Variants in TMPRSS5 observed in about 807,000 individuals in gnomAD.
TMPRSS5 encodes the protein transmembrane serine protease 5.
TMPRSS5 carries 45 observed loss-of-function variants against 59.7 expected under a neutral mutation model. The observed-to-expected ratio is 0.75, with a 90% CI of 0.59 to 0.97. TMPRSS5 has a LOEUF of 0.97. Ranked by LOEUF, TMPRSS5 falls within the 50% of genes least tolerant of loss-of-function variation. The pLI is 0.00. For synonymous variants in TMPRSS5, 225 were observed against 232.0 expected, an observed-to-expected ratio of 0.97 and a Z score of 0.27; for missense variants, 585 against 596.7, an observed-to-expected ratio of 0.98 and a Z score of 0.20.
At chr11:113,694,430 A>T in intron 8 of TMPRSS5, 48 bp downstream of exon 8, 1 of 1,543,642 alleles carries the variant, frequency 6.5e-7, no homozygotes, top group Non-Finnish European at 8.8e-7. Context: ...ACAGCCGAAC[A>T]GAAAGGGCAA....
rs374825853 is a variant in TMPRSS5 at position 113,694,528 on chromosome 11, G to A, written c.735C>T (p.Gly245=). ...CCACCCAGCGTGGCGCTAGCACAGA[G>A]CCCCCACACGTGTGCCGGAAGCCCA... ...VALGFRHTCG[G]SVLAPRWVVT... The change falls in exon 8 of 13, where the codon GGC becomes GGT. Residue 245 remains glycine (G), a synonymous_variant. Coordinates refer to ENST00000299882, the MANE Select transcript of TMPRSS5 (RefSeq NM_030770.4). The A allele has an allele frequency of 1.8e-4, 280 of 1,561,882 alleles. No homozygotes were observed. The Middle Eastern group carries it at 1.8e-3, about 10-fold the overall frequency.
chr11:113,699,276 T>C lies in TMPRSS5; in HGVS notation c.206-249A>G, dbSNP rs1484852059. Among the ~76,000 whole-genome samples the C allele has an allele frequency of 3.0e-3, 276 of 92,910 alleles. 29 individuals carry two copies. Among genetic ancestry groups the C allele is most frequent in the East Asian group, 0.03 (62 of 2,090 alleles). 61.0% of individuals were successfully genotyped at this position (92,910 alleles called of 152,430 possible). ...CTCTCTCTCTCTCTCTCTCTCCCTC[T>C]CTCTCTCTCTCTCTCTGTCTCTCTC... On this transcript the variant is annotated intron_variant, in intron 3 of 12. Coordinates refer to ENST00000299882, the MANE Select transcript of TMPRSS5 (RefSeq NM_030770.4).
intron 8 of TMPRSS5, chr11:113,693,582 CT>C: frequency 5.2e-6 from 1 of 193,512 alleles, no homozygotes; most frequent in Middle Eastern, 1.9e-3. Context: ...AAAACTTCCC[CT>C]GGTCCCATCT....
rs372506702 is a variant in TMPRSS5, at chr11:113,693,087, G to A, written c.948C>T (p.Thr316=). 16 of 1,571,012 alleles carry A rather than the reference G, an allele frequency of 1.0e-5. No homozygotes were observed. The highest frequency in any genetic ancestry group is 3.7e-5 in the Admixed American group (2 of 54,030). The change falls in exon 9 of 13, where the codon ACC becomes ACT. Residue 316 remains threonine (T), a synonymous_variant. Transcript: ENST00000299882. ...DYDVALLRLQ[T]ALNFSDTVGA... is the part of the protein sequence containing the mutation. ...GTGCCGCACCTGAGAAGTTGAGAGC[G>A]GTCTGGAGCCTCAGGAGGGCGACGT...
chr11:113,690,302 C>G lies in TMPRSS5; in HGVS notation c.1135G>C (p.Val379Leu). Residue 379 changes from valine to leucine, a missense_variant, in exon 11 of 13, where the codon GTG becomes CTG. Transcript: ENST00000299882. ...FSTQLCNSSC[V>L]YSGALTPRML... ...CGGGGGGTGAGGGCTCCGCTGTACA[C>G]GCAAGAGCTGTTGCAGAGCTGAGTG... The G allele has an allele frequency of 1.3e-6, 2 of 1,593,512 alleles. No homozygotes were observed. Among genetic ancestry groups the G allele is most frequent in the Non-Finnish European group, 1.7e-6 (2 of 1,170,990 alleles).
chr11:113,706,207 G>T lies in TMPRSS5; in HGVS notation c.3+15C>A. On this transcript the variant is annotated intron_variant, in intron 1 of 12. Coordinates refer to ENST00000299882, the MANE Select transcript of TMPRSS5 (RefSeq NM_030770.4). The stretch of plus-strand genomic sequence containing the variant: ...GAGAGGCCACAGCAGGGATGGCACA[G>T]AGACGTAACCTTACCATAGGGGTCA... 6.3e-7 allele frequency: 1 copy of T among 1,599,058 alleles called. No homozygotes were observed. Among genetic ancestry groups the T allele is most frequent in the Non-Finnish European group, 8.5e-7 (1 of 1,172,986 alleles).
At chr11:113,693,025 T>G in intron 9 of TMPRSS5, 46 bp downstream of exon 9, 2 of 1,033,570 alleles carry the variant, frequency 1.9e-6, no homozygotes, top group Non-Finnish European at 2.8e-6. Context: ...CCCCGCCCTC[T>G]CTCGCCATAG....
intron 5 of TMPRSS5, 25 bp downstream of exon 5, chr11:113,697,258 A>G: frequency 1.3e-6 from 2 of 1,596,680 alleles, no homozygotes; most frequent in Non-Finnish European, 1.7e-6. Context: ...CCCCCTTCAC[A>G]GGACCCACAT....
chr11:113,690,499 G>A, intron 10 of TMPRSS5, 126 bp from the exon 11 acceptor site: 1 of 1,380,642 alleles, frequency 7.2e-7, no homozygotes, highest in East Asian at 2.5e-5. Flanking sequence ...CAGGGTGGGA[G>A]CTGTGGACGC....
chr11:113,697,248 C>T, intron 5 of TMPRSS5, 35 bp downstream of exon 5: 2 of 1,591,500 alleles, frequency 1.3e-6, no homozygotes, highest in Admixed American at 1.7e-5. Flanking sequence ...AGCCAGGCCT[C>T]CCCCTTCACA....
At chr11:113,697,108 C>T (rs1433882377) in intron 5 of TMPRSS5, 137 bp from the exon 6 acceptor site, 1 of 1,219,146 alleles carries the variant, frequency 8.2e-7, no homozygotes, top group Non-Finnish European at 1.2e-6. Flanking sequence ...AGTAATACTC[C>T]AAACAGAGAA....
chr11:113,691,196 C>G (rs1019056314), intron 9 of TMPRSS5, among the ~76,000 whole-genome samples: 9 of 152,116 alleles, frequency 5.9e-5, no homozygotes, highest in Admixed American at 2.0e-4. Context: ...AGGACCCATG[C>G]TGCCCCCTCC....
chr11:113,690,712 C>T, intron 10 of TMPRSS5, 129 bp downstream of exon 10: 1 of 918,840 alleles, frequency 1.1e-6, no homozygotes, highest in Non-Finnish European at 1.7e-6. Flanking sequence ...CTAGGCCTGA[C>T]CAAGGGTGAT....
In TMPRSS5 at chr11:113,689,800, C is replaced by T; in HGVS notation, c.1324G>A (p.Ala442Thr). ...PNHPGVYAKVAEFLDWIHDTA... is the reference protein window; with the variant it reads ...PNHPGVYAKVTEFLDWIHDTA... ...TCATGGATCCAGTCCAGAAACTCAGCTACCTTGGCGTAGACACCTGGGTGA... is the reference window on the plus strand; with the variant it reads ...TCATGGATCCAGTCCAGAAACTCAGTTACCTTGGCGTAGACACCTGGGTGA... Residue 442 changes from alanine (A) to threonine (T), a missense_variant, in exon 12 of 13, where the codon GCT (alanine) becomes ACT (threonine). Transcript: ENST00000299882. 1.2e-6 allele frequency: 2 copies of T among 1,609,350 alleles called. No homozygotes were observed. Among genetic ancestry groups the T allele is most frequent in the South Asian group, 1.1e-5 (1 of 89,522 alleles).
chr11:113,695,357 C>A lies in TMPRSS5; in HGVS notation c.622+43G>T, dbSNP rs754437153. The A allele has an allele frequency of 1.1e-5, 17 of 1,610,564 alleles. No homozygotes were observed. In the South Asian group the frequency reaches 1.8e-4, roughly 17 times the overall value. The stretch of plus-strand genomic sequence containing the variant: ...CACACTTGAGGCAGGGGGAACACCC[C>A]TTCCTCTCACCGCCACCTCCCCTAG... On this transcript the variant is annotated intron_variant, in intron 7 of 12. Transcript: ENST00000299882.
At chr11:113,704,550 T>C (rs1953234393) in intron 1 of TMPRSS5, among the ~76,000 whole-genome samples, 1 of 152,150 alleles carries the variant, frequency 6.6e-6, no homozygotes, top group South Asian at 2.1e-4. Context: ...CTGCCAGCAC[T>C]TGCTCCCTCC....
At position 113,688,267 on chromosome 11, in the gene TMPRSS5, A is replaced by G. The variant is rs767016975; in HGVS notation, c.1367T>C (p.Leu456Pro). Residue 456 changes from leucine (L) to proline (P), a missense_variant, in exon 13 of 13, where the codon CTC becomes CCC. Coordinates refer to ENST00000299882, the MANE Select transcript of TMPRSS5 (RefSeq NM_030770.4). ...DWIHDTAQDSLL is the reference protein window; with the variant it reads ...DWIHDTAQDSPL ...TGGAGGAAACAGCAGGACTCAGAGG[A>G]GGGAGTCCTAGACCAAAAGGGAAAG... 6.3e-7 allele frequency: 1 copy of G among 1,579,290 alleles called. No homozygotes were observed. Among genetic ancestry groups the G allele is most frequent in the South Asian group, 1.2e-5 (1 of 85,640 alleles).
chr11:113,697,561 C>A, intron 4 of TMPRSS5, 143 bp from the exon 5 acceptor site: 1 of 937,020 alleles, frequency 1.1e-6, no homozygotes, highest in Non-Finnish European at 1.6e-6. Flanking sequence ...CCCTGCTCCC[C>A]GGAGAGTGAG....
chr11:113,698,030 T>C (rs1298423852), intron 4 of TMPRSS5, among the ~76,000 whole-genome samples: 1 of 152,110 alleles, frequency 6.6e-6, no homozygotes, highest in Admixed American at 6.5e-5. Context: ...AGTGTCCTTA[T>C]AAGAAGAGGA....
Sources: gnomAD v4.1 joint callset for allele counts (sites outside exome capture counted in the v4.1 genomes callset) on GRCh38, gnomAD v4.1.1 for gene constraint, MANE v1.5 for transcripts, NCBI Gene and HGNC (gene_info 2026-07-23, HGNC 2026-07-21) for gene names.